Variants in HMCN1 observed in about 807,000 individuals in gnomAD.
HMCN1 encodes the protein hemicentin 1.
Under a neutral mutation model 625.9 loss-of-function variants are expected in HMCN1, and 321 were observed. The ratio of observed to expected loss-of-function variants is 0.51; its 90% CI spans 0.47 to 0.56. The LOEUF (loss-of-function observed/expected upper bound fraction) is 0.56, where lower values mean the gene tolerates loss of function less well. Ranked by LOEUF, HMCN1 falls within the 20% of genes least tolerant of loss-of-function variation. HMCN1 has a pLI of 0.00. For missense variants in HMCN1, 6,588 were observed against 6,887.3 expected (o/e 0.96, Z 1.54); for synonymous variants, 2,425 against 2,417.6 (o/e 1.00, Z -0.09).
At chr1:185,752,151 A>G (rs1432995218) in intron 1 of HMCN1, among the ~76,000 whole-genome samples, 1 of 152,138 alleles carries the variant, frequency 6.6e-6, no homozygotes, top group African/African-American at 2.4e-5. Flanking sequence ...CTGTACAGCT[A>G]GTATAACCTC....
chr1:186,127,587 A>G (rs1458356209), intron 82 of HMCN1, among the ~76,000 whole-genome samples: 1 of 152,152 alleles, frequency 6.6e-6, no homozygotes, highest in African/African-American at 2.4e-5. Flanking sequence ...GTCAGATTCT[A>G]CAAATGCATC....
At chr1:185,875,560 A>G (rs796439274) in intron 4 of HMCN1, among the ~76,000 whole-genome samples, 49 of 152,162 alleles carry the variant, frequency 3.2e-4, no homozygotes, top group African/African-American at 1.1e-3. Flanking sequence ...CATATATTAC[A>G]ATGACTGTTG....
chr1:186,082,746 A>T (rs572217163), intron 56 of HMCN1, 119 bp from the exon 57 acceptor site: 27 of 454,128 alleles, frequency 5.9e-5, no homozygotes, highest in African/African-American at 4.1e-4. Flanking sequence ...TATGTACAAC[A>T]TTTTTTTCTA....
chr1:186,020,640 A>G (rs902199666), intron 35 of HMCN1, among the ~76,000 whole-genome samples: 2 of 152,138 alleles, frequency 1.3e-5, no homozygotes, highest in African/African-American at 4.8e-5. Flanking sequence ...GTAAGAACAT[A>G]TAATGAGAAA....
intron 40 of HMCN1, among the ~76,000 whole-genome samples, chr1:186,044,642 T>A (rs1408930617): frequency 6.6e-6 from 1 of 152,172 alleles, no homozygotes; most frequent in East Asian, 1.9e-4. Context: ...ACTTAACCTT[T>A]TTTTGTAACT....
At chr1:186,018,426 G>A (rs749118814) in intron 34 of HMCN1, 74 bp downstream of exon 34, 252 of 1,347,098 alleles carry the variant, frequency 1.9e-4, no homozygotes, top group Non-Finnish European at 2.5e-4. Context: ...AACTCAGATT[G>A]TAGCTCAATA....
At chr1:185,914,569 G>A (rs1666597647) in intron 6 of HMCN1, among the ~76,000 whole-genome samples, 1 of 151,894 alleles carries the variant, frequency 6.6e-6, no homozygotes, top group African/African-American at 2.4e-5. Flanking sequence ...ATATAATTTT[G>A]TACTGTCTCT....
At chr1:185,736,252 A>C (rs1254550356) in intron 1 of HMCN1, among the ~76,000 whole-genome samples, 3 of 152,202 alleles carry the variant, frequency 2.0e-5, no homozygotes, top group Non-Finnish European at 4.4e-5. Context: ...TATGTAATAT[A>C]TATATACACA....
chr1:185,776,011 A>G (rs1443438165), intron 1 of HMCN1, among the ~76,000 whole-genome samples: 1 of 152,226 alleles, frequency 6.6e-6, no homozygotes, highest in Admixed American at 6.5e-5. Flanking sequence ...CTATATGTTG[A>G]AAAGTAAAGC....
chr1:186,182,280 A>G lies in HMCN1; in HGVS notation c.16407A>G (p.Thr5469=), dbSNP rs368505272. 1.9e-6 allele frequency: 3 copies of G among 1,613,316 alleles called. No individual in the cohort carries two copies. The highest frequency in any genetic ancestry group is 2.7e-5 in the African/African-American group (2 of 74,896). Residue 5469 remains threonine (T), a synonymous_variant, in exon 105 of 107, where the codon ACA becomes ACG. Transcript: ENST00000271588. ...ATCAACTCACACACAATGGAAAGAC[A>G]TGCCAAGGTGAGAAAACATTGGGAT... ...PGYQLTHNGK[T]CQDIDECLEQ...
chr1:185,893,293 T>G (rs1571517013), intron 4 of HMCN1, among the ~76,000 whole-genome samples: 1 of 152,204 alleles, frequency 6.6e-6, no homozygotes, highest in Admixed American at 6.5e-5. Flanking sequence ...GGCTGGGAGC[T>G]GTAGACTGGA....
At chr1:186,149,956 T>C (rs180817364) in intron 93 of HMCN1, among the ~76,000 whole-genome samples, 1 of 152,058 alleles carries the variant, frequency 6.6e-6, no homozygotes, top group Admixed American at 6.6e-5. Flanking sequence ...ATTACAATAG[T>C]AACATCCAAG....
Position 186,178,445 on chromosome 1 carries a change from C to G in HMCN1, c.15973C>G (p.Pro5325Ala). The change falls in exon 104 of 107, where the codon CCT becomes GCT. Residue 5325 changes from proline (P) to alanine (A), a missense_variant. Around this residue, in one of 3 missense-constraint regions of HMCN1, gnomAD observed 1,954 missense variants for 2,013.1 expected, o/e 0.97. Coordinates refer to ENST00000271588, the MANE Select transcript of HMCN1 (RefSeq NM_031935.3). ...DINECEQVPK[P>A]CAHQCSNTPG... is the part of the protein sequence containing the mutation. Reference sequence around the variant, plus strand: ...TAATGAATGTGAACAAGTGCCTAAACCTTGTGCACATCAGTGCTCCAACAC... The same window carrying G: ...TAATGAATGTGAACAAGTGCCTAAAGCTTGTGCACATCAGTGCTCCAACAC... 1 of 1,613,762 alleles carries G rather than the reference C, an allele frequency of 6.2e-7. No individual in the cohort carries two copies. The highest frequency in any genetic ancestry group is 8.5e-7 in the Non-Finnish European group (1 of 1,179,784).
At chr1:185,841,082 A>AT (rs912862682) in intron 1 of HMCN1, among the ~76,000 whole-genome samples, 1 of 152,234 alleles carries the variant, frequency 6.6e-6, no homozygotes, top group East Asian at 1.9e-4. Flanking sequence ...TACATTGTGA[A>AT]TTTTTTTCCA....
In HMCN1 at chr1:186,172,077, T is replaced by C. The variant is rs759148029; in HGVS notation, c.15760T>C (p.Cys5254Arg). Reference sequence around the variant, plus strand: ...TAAGAACACCCGTGGTGGCTATAAGTGCATTGATCTTTGTCCAAATGGAAT... The same window carrying C: ...TAAGAACACCCGTGGTGGCTATAAGCGCATTGATCTTTGTCCAAATGGAAT... ...HCKNTRGGYK[C>R]IDLCPNGMTK... Residue 5254 changes from cysteine (C) to arginine (R), a missense_variant, in exon 102 of 107, where the codon TGC (cysteine) becomes CGC (arginine). This residue lies in a region of HMCN1 where 1,954 missense variants were observed against 2,013.1 expected (regional missense o/e 0.97). Transcript: ENST00000271588. 1.2e-6 allele frequency: 2 copies of C among 1,613,894 alleles called. No homozygotes were observed. Among genetic ancestry groups the C allele is most frequent in the African/African-American group, 1.3e-5 (1 of 75,042 alleles).
intron 1 of HMCN1, among the ~76,000 whole-genome samples, chr1:185,784,185 T>A (rs1657384231): frequency 6.6e-6 from 1 of 152,226 alleles, no homozygotes; most frequent in Admixed American, 6.5e-5. Flanking sequence ...GTGTGCTGTT[T>A]GCTAAGACCA....
chr1:185,886,699 G>C (rs1664674519), intron 4 of HMCN1, among the ~76,000 whole-genome samples: 3 of 151,994 alleles, frequency 2.0e-5, no homozygotes, highest in Admixed American at 2.0e-4. Flanking sequence ...TCCAATGTCA[G>C]CTCTCTTGCC....
At chr1:186,166,053 C>T in intron 98 of HMCN1, 131 bp from the exon 99 acceptor site, 2 of 947,730 alleles carry the variant, frequency 2.1e-6, no homozygotes, top group South Asian at 3.0e-5. Context: ...TTTTGTGGCA[C>T]TTAAAGCATT....
chr1:186,111,358 A>G (rs1660877702), intron 71 of HMCN1, among the ~76,000 whole-genome samples: 1 of 152,108 alleles, frequency 6.6e-6, no homozygotes, highest in Non-Finnish European at 1.5e-5. Flanking sequence ...ACATTATAAG[A>G]ATCACTCTGA....
Sources: allele counts gnomAD v4.1 joint callset (sites outside exome capture counted in the v4.1 genomes callset), GRCh38; gene constraint gnomAD v4.1.1; regional missense constraint gnomAD v4.1.1; transcripts MANE v1.5; gene names NCBI Gene and HGNC (gene_info 2026-07-23, HGNC 2026-07-21).